Variants in NRK observed in about 807,000 individuals in gnomAD.
NRK encodes Nik related kinase.
In NRK, 67 loss-of-function variants were observed where a neutral mutation model predicts 125.2. The ratio of observed to expected loss-of-function variants is 0.54; its 90% CI spans 0.44 to 0.66. NRK has a LOEUF of 0.66. Among genes scored for constraint, NRK ranks in the 30% least tolerant of loss-of-function variants. NRK has a pLI of 0.00. For missense variants in NRK, 1,224 were observed against 1,192.9 expected, an observed-to-expected ratio of 1.03 and a Z score of -0.38; for synonymous variants, 458 against 429.0, an observed-to-expected ratio of 1.07 and a Z score of -0.84.
chrX:105,924,609 A>G, intron 18 of NRK, 86 bp from the exon 19 acceptor site: 1 of 745,075 alleles, frequency 1.3e-6, no homozygotes, highest in Non-Finnish European at 2.0e-6. Flanking sequence ...TATGTATAAG[A>G]CACATCCTAA....
At chrX:105,845,443 T>A (rs935018452) in intron 2 of NRK, among the ~76,000 whole-genome samples, 1 of 111,530 alleles carries the variant, frequency 9.0e-6, no homozygotes, top group East Asian at 2.8e-4. Context: ...GAACTAGGGT[T>A]GCCAGATTTG....
chrX:105,930,406 A>G (rs972812845), intron 19 of NRK, among the ~76,000 whole-genome samples: 2 of 109,586 alleles, frequency 1.8e-5, no homozygotes, highest in Non-Finnish European at 1.9e-5. Context: ...TTTATCTTCA[A>G]TATTTCTGTT....
Position 105,955,732 on chromosome X carries a change from T to C in NRK, c.*132T>C. On this transcript the variant is annotated 3_prime_UTR_variant, in exon 29 of 29. Coordinates refer to ENST00000243300, the MANE Select transcript of NRK (RefSeq NM_198465.4). ...TAAATCCAAAACTTTACTTTTAATG[T>C]AGCACAGAATAGTTTTAATGAGAAA... The C allele has an allele frequency of 2.4e-6, 1 of 414,676 alleles. No homozygotes were observed. The allele number at this position is 414,676 out of a possible 1,213,427, so 34.2% of individuals were successfully genotyped here.
chrX:105,892,751 A>T (rs760670342), intron 5 of NRK, among the ~76,000 whole-genome samples: 10 of 111,563 alleles, frequency 9.0e-5, no homozygotes, highest in Non-Finnish European at 1.9e-4. Flanking sequence ...TTTTGGTGAA[A>T]GTGTACTCAG....
intron 21 of NRK, among the ~76,000 whole-genome samples, chrX:105,936,566 C>G (rs1489776381): frequency 8.9e-6 from 1 of 111,753 alleles, no homozygotes; most frequent in East Asian, 2.8e-4. Context: ...AAGTTTTCTC[C>G]TTATGCTCAT....
chrX:105,925,101 C>A (rs932222825), intron 19 of NRK, 70 bp downstream of exon 19: 7 of 763,179 alleles, frequency 9.2e-6, no homozygotes, highest in Non-Finnish European at 1.3e-5. Context: ...GGACATGTAG[C>A]ATTTCTAGCC....
At chrX:105,842,164 G>A (rs895882161) in intron 2 of NRK, among the ~76,000 whole-genome samples, 3 of 111,446 alleles carry the variant, frequency 2.7e-5, no homozygotes, top group East Asian at 5.7e-4. Flanking sequence ...AGCTGAGGTC[G>A]GTAATGAAGA....
Position 105,898,592 on chromosome X carries a change from GGAGT to G in NRK, c.595_598del (p.Ser199ProfsTer3). 1 of 1,197,217 alleles carries G rather than the reference GGAGT, an allele frequency of 8.4e-7. No individual in the cohort carries two copies. On this transcript the variant is annotated frameshift_variant, in exon 8 of 29. Coordinates refer to ENST00000243300, the MANE Select transcript of NRK (RefSeq NM_198465.4). LOFTEE classifies it high-confidence loss of function. The stretch of plus-strand genomic sequence containing the variant: ...ATAATGATTTTTGGCAGTTGATTTT[GGAGT>G]GAGTGCCCAGGTGAGCAGAACTAAT...
intron 4 of NRK, among the ~76,000 whole-genome samples, chrX:105,884,751 CTT>C (rs761947398): frequency 7.2e-5 from 8 of 111,757 alleles, no homozygotes; most frequent in Non-Finnish European, 7.5e-5. Context: ...TTAAGGAAAT[CTT>C]TTTTTTCACT....
Position 105,949,665 on chromosome X carries a change from T to C in NRK, c.4444T>C (p.Ser1482Pro). ...GCTCACCTTCAATGCTGAAGCCCTCTCTGTGGAAGCAAATGAACAACTCTT... is the reference window on the plus strand; with the variant it reads ...GCTCACCTTCAATGCTGAAGCCCTCCCTGTGGAAGCAAATGAACAACTCTT... ...MMLTFNAEAL[S>P]VEANEQLFKK... Residue 1482 changes from serine (S) to proline (P), a missense_variant, in exon 27 of 29, where the codon TCT (serine) becomes CCT (proline). By Grantham distance (74) the Ser-to-Pro change is moderately conservative. Coordinates refer to ENST00000243300, the MANE Select transcript of NRK (RefSeq NM_198465.4). 1 of 1,200,946 alleles carries C rather than the reference T, an allele frequency of 8.3e-7. No individual in the cohort carries two copies. Among genetic ancestry groups the C allele is most frequent in the Non-Finnish European group, 1.1e-6 (1 of 886,025 alleles).
intron 17 of NRK, 138 bp from the exon 18 acceptor site, chrX:105,922,980 A>C (rs2040472060): frequency 1.1e-5 from 6 of 556,983 alleles, no homozygotes; most frequent in Non-Finnish European, 1.7e-5. Flanking sequence ...CCTCACTAAA[A>C]TTTTGGCTCC....
At chrX:105,951,371 C>T (rs1007006105) in intron 27 of NRK, among the ~76,000 whole-genome samples, 1 of 110,148 alleles carries the variant, frequency 9.1e-6, no homozygotes, top group Non-Finnish European at 1.9e-5. Context: ...AACTTCTGAC[C>T]TAAAACAAAA....
At chrX:105,912,272 A>C (rs181788785) in intron 13 of NRK, among the ~76,000 whole-genome samples, 8 of 111,211 alleles carry the variant, frequency 7.2e-5, no homozygotes, top group African/African-American at 2.6e-4. Context: ...TAGCTTGCTA[A>C]ATGTGACAGT....
chrX:105,885,189 TAGG>T (rs1007945636), intron 4 of NRK, among the ~76,000 whole-genome samples: 1 of 112,362 alleles, frequency 8.9e-6, no homozygotes, highest in Non-Finnish European at 1.9e-5. Context: ...ATAGATGAAA[TAGG>T]AGAGCTTTTT....
Position 105,902,403 on chromosome X carries a change from A to G in NRK, c.766+1731A>G, listed in dbSNP as rs1488095840. ...TTGTTGCCTGGAATATTAATTTTGT[A>G]TGGAAATAATTGTCATCAGTTTAAC... On this transcript the variant is annotated intron_variant, in intron 9 of 28. Coordinates refer to ENST00000243300, the MANE Select transcript of NRK (RefSeq NM_198465.4). Among the ~76,000 whole-genome samples, 6 of 111,818 alleles carry G rather than the reference A, an allele frequency of 5.4e-5. No individual in the cohort carries two copies. The East Asian group carries it at 8.5e-4, about 16-fold the overall frequency.
chrX:105,854,177 G>A (rs1455244600), intron 2 of NRK, among the ~76,000 whole-genome samples: 1 of 112,165 alleles, frequency 8.9e-6, no homozygotes, highest in Non-Finnish European at 1.9e-5. Flanking sequence ...GGATGGTGAT[G>A]TAGAAAGTTG....
chrX:105,830,723 A>G (rs956573687), intron 1 of NRK, among the ~76,000 whole-genome samples: 1 of 109,863 alleles, frequency 9.1e-6, no homozygotes, highest in Non-Finnish European at 1.9e-5. Flanking sequence ...TCAGCAAACT[A>G]TCACAAGGAC....
At chrX:105,849,206 C>T (rs1011320948) in intron 2 of NRK, among the ~76,000 whole-genome samples, 3 of 111,515 alleles carry the variant, frequency 2.7e-5, no homozygotes, top group East Asian at 5.7e-4. Flanking sequence ...CAAGAGAAAA[C>T]GAGGAAGAAG....
intron 2 of NRK, among the ~76,000 whole-genome samples, chrX:105,848,250 G>A (rs2039426174): frequency 9.0e-6 from 1 of 111,083 alleles, no homozygotes; most frequent in South Asian, 3.8e-4. Context: ...AAGATGTAGA[G>A]CATCCCTTTG....
Sources: allele counts gnomAD v4.1 joint callset (sites outside exome capture counted in the v4.1 genomes callset), GRCh38; gene constraint gnomAD v4.1.1; transcripts MANE v1.5; gene names NCBI Gene and HGNC (gene_info 2026-07-23, HGNC 2026-07-21).